CD163L1: variants seen among roughly 807,000 people sequenced by gnomAD.
CD163L1 encodes scavenger receptor cysteine-rich type 1 protein M160.
A neutral mutation model predicts 165.4 loss-of-function variants in CD163L1; 124 were observed. The observed-to-expected ratio is 0.75, with a 90% confidence interval of 0.65 to 0.87. The LOEUF is 0.87. Ranked by LOEUF, CD163L1 falls within the 40% of genes least tolerant of loss-of-function variation. The pLI is 0.00. For missense variants in CD163L1, 1,525 were observed against 1,799.9 expected (o/e 0.85, Z 2.76); for synonymous variants, 585 against 662.2 (o/e 0.88, Z 1.79).
chr12:7,341,893 G>C (rs967610432), downstream of CD163L1, among the ~76,000 whole-genome samples: 1 of 152,102 alleles, frequency 6.6e-6, no homozygotes, highest in Non-Finnish European at 1.5e-5. Context: ...TTGAAAAAAT[G>C]GTAATAAATA....
intron 2 of CD163L1, chr12:7,439,621 T>C: frequency 3.7e-6 from 6 of 1,606,410 alleles, no homozygotes; most frequent in Non-Finnish European, 4.3e-6. Context: ...GGATAGTCTC[T>C]GAATATCCTT....
At chr12:7,428,181 C>T (rs916865685) in intron 4 of CD163L1, among the ~76,000 whole-genome samples, 1 of 151,882 alleles carries the variant, frequency 6.6e-6, no homozygotes, top group Non-Finnish European at 1.5e-5. Context: ...CCAAGATATC[C>T]CCTTTATGGT....
In CD163L1 at chr12:7,369,446, C is replaced by T. The variant is rs867081460; in HGVS notation, c.3950G>A (p.Gly1317Glu). 3 of 1,614,148 alleles carry T rather than the reference C, an allele frequency of 1.9e-6. No individual in the cohort carries two copies. Among genetic ancestry groups the T allele is most frequent in the Non-Finnish European group, 2.5e-6 (3 of 1,180,030 alleles). ...TIWLDDMRCK[G>E]NESFLWDCHA... ...ACAGTCCCATAGAAATGACTCATTT[C>T]CTTTGCACCGCATGTCATCCAACCA... is the stretch of plus-strand genomic sequence containing the variant. Residue 1317 changes from glycine to glutamate, a missense_variant, in exon 15 of 20, where the codon GGA becomes GAA. By Grantham distance (98) the Gly-to-Glu change is moderately conservative. Coordinates refer to ENST00000313599, the MANE Select transcript of CD163L1 (RefSeq NM_174941.6). The surrounding 1 kb of genome is among the most constrained non-coding windows in gnomAD (Gnocchi z 4.9).
rs1178670826 is a variant in CD163L1, at chr12:7,374,581, G to A, written c.3270C>T (p.His1090=). The A allele has an allele frequency of 6.2e-7, 1 of 1,614,074 alleles. No homozygotes were observed. The highest frequency in any genetic ancestry group is 1.3e-5 in the African/African-American group (1 of 74,938). Reference sequence around the variant, plus strand: ...AGATGGGCCCTGACCCCTCCCCAAAGTGAGCAGAGACCGTGGCATTGAAGG... The same window carrying A: ...AGATGGGCCCTGACCCCTCCCCAAAATGAGCAGAGACCGTGGCATTGAAGG... ...GVAFNATVSA[H]FGEGSGPIWL... is the part of the protein sequence containing the mutation. Residue 1090 remains histidine, a synonymous_variant, in exon 13 of 20, where the codon CAC becomes CAT. Coordinates refer to ENST00000313599, the MANE Select transcript of CD163L1 (RefSeq NM_174941.6). The surrounding 1 kb of genome is among the most constrained non-coding windows in gnomAD (Gnocchi z 5.4).
chr12:7,388,562 G>A (rs1460926772), intron 8 of CD163L1, among the ~76,000 whole-genome samples: 1 of 152,114 alleles, frequency 6.6e-6, no homozygotes, highest in Admixed American at 6.5e-5. Flanking sequence ...GGGCAACACG[G>A]TGAAACCCCA....
chr12:7,371,981 C>T (rs973183464), intron 14 of CD163L1, among the ~76,000 whole-genome samples: 5 of 151,222 alleles, frequency 3.3e-5, no homozygotes, highest in African/African-American at 9.7e-5. Flanking sequence ...GTGTTTTTTT[C>T]CATGATTTCT....
At chr12:7,354,373 G>A (rs1465773785), downstream of CD163L1, among the ~76,000 whole-genome samples, 3 of 152,036 alleles carry the variant, frequency 2.0e-5, no homozygotes, top group Non-Finnish European at 2.9e-5. Context: ...AAGGGCAATT[G>A]AGCAAAGCTG....
chr12:7,374,918 G>A lies in CD163L1; in HGVS notation c.3007C>T (p.Leu1003=). ...AGGCATGGAAACAGTGGCTGGGTCA[G>A]GCTTCCTGGTGGAGGGTGCAGGAAA... ...NTVSVICTGS[L]TQPLFPCLAN... The change falls in exon 12 of 20, where the codon CTG becomes TTG. Residue 1003 remains leucine, a synonymous_variant. Transcript: ENST00000313599. This position sits in a 1 kb window ranked among gnomAD's most constrained non-coding sequence, Gnocchi z 5.4. 2 of 1,614,178 alleles carry A rather than the reference G, an allele frequency of 1.2e-6. No homozygotes were observed. Among genetic ancestry groups the A allele is most frequent in the Non-Finnish European group, 1.7e-6 (2 of 1,180,006 alleles).
At chr12:7,421,229 G>A (rs1401359947) in intron 4 of CD163L1, among the ~76,000 whole-genome samples, 6 of 128,378 alleles carry the variant, frequency 4.7e-5, no homozygotes, top group Admixed American at 2.5e-4. Context: ...GTATATATAT[G>A]TATATATACA....
chr12:7,431,287 G>A (rs1238314670), intron 4 of CD163L1, among the ~76,000 whole-genome samples: 1 of 151,836 alleles, frequency 6.6e-6, no homozygotes, highest in African/African-American at 2.4e-5. Flanking sequence ...CGTGGTTGCG[G>A]GTGCCTGCAG....
rs926328461 is a variant in CD163L1, at chr12:7,409,228, T to C, written c.767-2376A>G. On this transcript the variant is annotated intron_variant, in intron 4 of 19. Coordinates refer to ENST00000313599, the MANE Select transcript of CD163L1 (RefSeq NM_174941.6). ...TCATTTGTAAATATATTTAAGTGTATTCAAAATCTCCTCATAAAGTAAGTT... is the reference window on the plus strand; with the variant it reads ...TCATTTGTAAATATATTTAAGTGTACTCAAAATCTCCTCATAAAGTAAGTT... Among the ~76,000 whole-genome samples, 4 of 152,174 alleles carry C rather than the reference T, an allele frequency of 2.6e-5. No homozygotes were observed. The South Asian group carries it at 8.3e-4, about 32-fold the overall frequency.
intron 18 of CD163L1, among the ~76,000 whole-genome samples, chr12:7,360,595 C>T (rs959779174): frequency 6.6e-6 from 1 of 152,040 alleles, no homozygotes; most frequent in African/African-American, 2.4e-5. Context: ...TTGAGGCAAT[C>T]CAGTGATTTT....
chr12:7,319,517 G>A, the CD163L1 span, among the ~76,000 whole-genome samples: 1 of 148,866 alleles, frequency 6.7e-6, no homozygotes, highest in Non-Finnish European at 1.5e-5. Flanking sequence ...TTGAATCTGG[G>A]AGGCAGAGGT....
At chr12:7,377,286 G>A (rs887612766) in intron 9 of CD163L1, among the ~76,000 whole-genome samples, 2 of 152,018 alleles carry the variant, frequency 1.3e-5, no homozygotes, top group Non-Finnish European at 2.9e-5. Flanking sequence ...ATTTTATTTG[G>A]AATTTCATTC....
Position 7,396,394 on chromosome 12 carries a change from C to T in CD163L1, c.1751G>A (p.Arg584Lys). 6.2e-7 allele frequency: 1 copy of T among 1,608,358 alleles called. No individual in the cohort carries two copies. Among genetic ancestry groups the T allele is most frequent in the Non-Finnish European group, 8.5e-7 (1 of 1,175,428 alleles). The change falls in exon 8 of 20, where the codon AGG becomes AAG. Residue 584 changes from arginine to lysine, a missense_variant. Transcript: ENST00000313599. ...TCSGDATWGL[R>K]LVGGSNRCSG... ...GCAGCGGTTGCTGCCGCCCACCAGC[C>T]TCAGGCCCCATGTTGCATCACCTGC...
chr12:7,430,005 C>G (rs112715838), intron 4 of CD163L1, among the ~76,000 whole-genome samples: 2 of 152,224 alleles, frequency 1.3e-5, no homozygotes, highest in East Asian at 3.9e-4. Context: ...TTTTCTCTAC[C>G]CTTGGAGGCC....
Position 7,357,411 on chromosome 12 carries a change from G to A in CD163L1, c.4355C>T (p.Thr1452Ile). The A allele has an allele frequency of 1.2e-6, 2 of 1,612,386 alleles. No homozygotes were observed. The highest frequency in any genetic ancestry group is 1.7e-6 in the Non-Finnish European group (2 of 1,178,790). Residue 1452 changes from threonine (T) to isoleucine (I), a missense_variant, in exon 19 of 20, where the codon ACA becomes ATA. Thr to Ile is a moderately conservative substitution (Grantham distance 89). Coordinates refer to ENST00000313599, the MANE Select transcript of CD163L1 (RefSeq NM_174941.6). ...LLGVLPASEA[T>I]K The stretch of plus-strand genomic sequence containing the variant: ...AGCCCTGGAAGTCTAAAGTCATTTT[G>A]TGGCTTCAGAGGCAGGAAGAACTCC...
At chr12:7,364,682 T>C (rs1402822477) in intron 18 of CD163L1, among the ~76,000 whole-genome samples, 1 of 151,972 alleles carries the variant, frequency 6.6e-6, no homozygotes, top group Non-Finnish European at 1.5e-5. Context: ...AGCAATCCAA[T>C]TTGCAATAGC....
chr12:7,380,319 A>G (rs1565784100), intron 8 of CD163L1, among the ~76,000 whole-genome samples: 1 of 146,560 alleles, frequency 6.8e-6, no homozygotes, highest in African/African-American at 2.6e-5. Flanking sequence ...ATATACATAC[A>G]TATATGTATG....
Sources: gnomAD v4.1 joint callset for allele counts (sites outside exome capture counted in the v4.1 genomes callset) on GRCh38, gnomAD v4.1.1 for gene constraint, Gnocchi (gnomAD v3.1) non-coding constraint, MANE v1.5 for transcripts, NCBI Gene and HGNC (gene_info 2026-07-23, HGNC 2026-07-21) for gene names.